Variants in KLF6 observed in about 807,000 individuals in gnomAD.
KLF6 encodes the protein Krueppel-like factor 6.
For synonymous variants in KLF6, 152 were observed against 147.9 expected, an observed-to-expected ratio of 1.03 and a Z score of -0.20; for missense variants, 233 against 359.8, an observed-to-expected ratio of 0.65 and a Z score of 2.85.
In KLF6 at chr10:3,781,410, G is replaced by C; in HGVS notation, c.676+231C>G. On this transcript the variant is annotated intron_variant, in intron 2 of 3. Transcript: ENST00000497571. This position sits in a 1 kb window ranked among gnomAD's most constrained non-coding sequence, Gnocchi z 5.8. ...CGTGGAGAAAAGGATCTAGTCTCTT[G>C]TTTGTTTAATCTGAAAATTGTTACA... 6.7e-7 allele frequency: 1 copy of C among 1,496,630 alleles called. No individual in the cohort carries two copies. The highest frequency in any genetic ancestry group is 8.9e-7 in the Non-Finnish European group (1 of 1,122,282). The allele number at this position is 1,496,630 out of a possible 1,614,324, so 92.7% of individuals were successfully genotyped here. A position where few individuals can be genotyped will look rare whatever the true frequency, so the allele number is the denominator to read the frequency against.
In KLF6 at chr10:3,782,445, G is replaced by A. The variant is rs1232096872; in HGVS notation, c.103-231C>T. Among the ~76,000 whole-genome samples, 6 of 152,226 alleles carry A rather than the reference G, an allele frequency of 3.9e-5. No homozygotes were observed. Among genetic ancestry groups the A allele is most frequent in the Non-Finnish European group, 8.8e-5 (6 of 68,044 alleles). ...AAAGTCGGAGGGTGAAACCTCTCCT[G>A]GCTTTCCCAATGTTGGGCCAAGGGC... On this transcript the variant is annotated intron_variant, in intron 1 of 3. Coordinates refer to ENST00000497571, the MANE Select transcript of KLF6 (RefSeq NM_001300.6). The surrounding 1 kb of genome is among the most constrained non-coding windows in gnomAD (Gnocchi z 4.3).
chr10:3,776,996 G>A lies in KLF6; in HGVS notation c.*2543C>T, dbSNP rs1181192248. On this transcript the variant is annotated 3_prime_UTR_variant, in exon 4 of 4. Transcript: ENST00000497571. ...TGGAATTGTTATGGCTAAGCACATA[G>A]AAGGCCAAAAAAGGAGTTTTCCAAA... 2.0e-6 allele frequency: 1 copy of A among 510,598 alleles called. No individual in the cohort carries two copies. The highest frequency in any genetic ancestry group is 3.8e-6 in the Non-Finnish European group (1 of 263,768). 31.6% of individuals were successfully genotyped at this position (510,598 alleles called of 1,614,324 possible).
chr10:3,777,212 A>T lies in KLF6; in HGVS notation c.*2327T>A, dbSNP rs541557967. On this transcript the variant is annotated 3_prime_UTR_variant, in exon 4 of 4. Coordinates refer to ENST00000497571, the MANE Select transcript of KLF6 (RefSeq NM_001300.6). ...AAAATACCAGCCCAGCCAGACTCAC[A>T]TGTGTGTATATATATATAAAGCAAA... 1.4e-5 allele frequency: 7 copies of T among 517,152 alleles called. No individual in the cohort carries two copies. Among genetic ancestry groups the T allele is most frequent in the Non-Finnish European group, 2.6e-5 (7 of 265,568 alleles). 32.0% of individuals were successfully genotyped at this position (517,152 alleles called of 1,614,324 possible).
At chr10:3,784,482 A>C (rs966514199) in intron 1 of KLF6, among the ~76,000 whole-genome samples, 6 of 152,200 alleles carry the variant, frequency 3.9e-5, no homozygotes, top group South Asian at 2.1e-4. Context: ...AAAATAAAAG[A>C]GAGCTGGTCT....
Position 3,779,440 on chromosome 10 carries a change from G to A in KLF6, c.*99C>T. On this transcript the variant is annotated 3_prime_UTR_variant, in exon 4 of 4. Coordinates refer to ENST00000497571, the MANE Select transcript of KLF6 (RefSeq NM_001300.6). ...GGCCCTGGAGGCAACTGGGTAGGGT[G>A]CAGAACGGCATGCTTTGGCTGGAAC... is the stretch of plus-strand genomic sequence containing the variant. 1.9e-6 allele frequency: 2 copies of A among 1,046,608 alleles called. No individual in the cohort carries two copies. Among genetic ancestry groups the A allele is most frequent in the Non-Finnish European group, 3.0e-6 (2 of 671,294 alleles). 64.8% of individuals were successfully genotyped at this position (1,046,608 alleles called of 1,614,324 possible). A position where few individuals can be genotyped will look rare whatever the true frequency, so the allele number is the denominator to read the frequency against.
At chr10:3,783,535 C>A (rs565586471) in intron 1 of KLF6, among the ~76,000 whole-genome samples, 5 of 152,172 alleles carry the variant, frequency 3.3e-5, no homozygotes, top group Admixed American at 6.5e-5. Context: ...CAATCCCTCC[C>A]CCTCCCCAGG....
rs1369780375 is a variant in KLF6, at chr10:3,780,448, G to C, written c.677-219C>G. On this transcript the variant is annotated intron_variant, in intron 2 of 3. Coordinates refer to ENST00000497571, the MANE Select transcript of KLF6 (RefSeq NM_001300.6). This position sits in a 1 kb window ranked among gnomAD's most constrained non-coding sequence, Gnocchi z 4.6. ...CTGCTGTCCAAGGGACACAGCTTCA[G>C]CCAAGCCCATGGTGCTGTCATCAAA... The C allele has an allele frequency of 1.4e-5, 9 of 621,836 alleles. No individual in the cohort carries two copies. Among genetic ancestry groups the C allele is most frequent in the Middle Eastern group, 4.3e-4 (1 of 2,350 alleles). 38.5% of individuals were successfully genotyped at this position (621,836 alleles called of 1,614,324 possible).
At chr10:3,784,853 A>C (rs1466826664) in intron 1 of KLF6, 60 bp downstream of exon 1, 3 of 1,536,758 alleles carry the variant, frequency 2.0e-6, no homozygotes, top group Non-Finnish European at 2.6e-6. Context: ...TCTGAACCCC[A>C]AACAGCCGAC....
At position 3,780,834 on chromosome 10, in the gene KLF6, A is replaced by C. The variant is rs910206819; in HGVS notation, c.677-605T>G. 1 of 179,342 alleles carries C rather than the reference A, an allele frequency of 5.6e-6. No individual in the cohort carries two copies. 11.1% of individuals were successfully genotyped at this position (179,342 alleles called of 1,614,324 possible). ...CCTGAGAAAACAAAGTTGTCAAGCC[A>C]ATCTCAGGGTATGTTGAGACAGGCC... On this transcript the variant is annotated intron_variant, in intron 2 of 3. Coordinates refer to ENST00000497571, the MANE Select transcript of KLF6 (RefSeq NM_001300.6). The surrounding 1 kb of genome is among the most constrained non-coding windows in gnomAD (Gnocchi z 4.6).
chr10:3,777,316 C>T lies in KLF6; in HGVS notation c.*2223G>A. 2 of 513,448 alleles carry T rather than the reference C, an allele frequency of 3.9e-6. No individual in the cohort carries two copies. The highest frequency in any genetic ancestry group is 3.1e-5 in the South Asian group (2 of 64,870). The allele number at this position is 513,448 out of a possible 1,614,324, so 31.8% of individuals were successfully genotyped here. On this transcript the variant is annotated 3_prime_UTR_variant, in exon 4 of 4. Coordinates refer to ENST00000497571, the MANE Select transcript of KLF6 (RefSeq NM_001300.6). ...GTATGCCAATTCGGGGAAATTACTCCTTGGAAAAACTGGAAGAATCTACTT... is the reference window on the plus strand; with the variant it reads ...GTATGCCAATTCGGGGAAATTACTCTTTGGAAAAACTGGAAGAATCTACTT...
chr10:3,776,932 C>CTTTTTTTTTTTTTTTTTTTTTCTT lies in KLF6; in HGVS notation c.*2606_*2607insAAGAAAAAAAAAAAAAAAAAAAAA. 2 of 417,618 alleles carry CTTTTTTTTTTTTTTTTTTTTTCTT rather than the reference C, an allele frequency of 4.8e-6. No homozygotes were observed. Among genetic ancestry groups the CTTTTTTTTTTTTTTTTTTTTTCTT allele is most frequent in the Non-Finnish European group, 4.6e-6 (1 of 217,040 alleles). The allele number at this position is 417,618 out of a possible 1,614,324, so 25.9% of individuals were successfully genotyped here. A position where few individuals can be genotyped will look rare whatever the true frequency, so the allele number is the denominator to read the frequency against. On this transcript the variant is annotated 3_prime_UTR_variant, in exon 4 of 4. Coordinates refer to ENST00000497571, the MANE Select transcript of KLF6 (RefSeq NM_001300.6). ...AAGCCAGTGCAAGTTTTTTTTTTTC[C>CTTTTTTTTTTTTTTTTTTTTTCTT]TTTTTTTTTTTTTGTCTTTTGCTTA...
chr10:3,776,311 G>C lies in KLF6; in HGVS notation c.*3228C>G. 1.9e-6 allele frequency: 1 copy of C among 532,914 alleles called. No homozygotes were observed. The highest frequency in any genetic ancestry group is 1.5e-5 in the South Asian group (1 of 65,166). The allele number at this position is 532,914 out of a possible 1,614,324, so 33.0% of individuals were successfully genotyped here. A position where few individuals can be genotyped will look rare whatever the true frequency, so the allele number is the denominator to read the frequency against. ...TCCCTACTGTGCCCACAGCCGGGGG[G>C]TTGTTTTTGTCAGTCCTTGGAGAAG... On this transcript the variant is annotated 3_prime_UTR_variant, in exon 4 of 4. Transcript: ENST00000497571.
chr10:3,781,708 G>A lies in KLF6; in HGVS notation c.609C>T (p.His203=). ...PDGRRRVHRC[H]FNGCRKVYTK... ...TGTAAACTTTCCTGCAGCCGTTAAA[G>A]TGGCACCGGTGCACCCTCCTCCTGC... is the stretch of plus-strand genomic sequence containing the variant. Residue 203 remains histidine, a synonymous_variant, in exon 2 of 4, where the codon CAC becomes CAT. Coordinates refer to ENST00000497571, the MANE Select transcript of KLF6 (RefSeq NM_001300.6). The surrounding 1 kb of genome is among the most constrained non-coding windows in gnomAD (Gnocchi z 5.8). 6.2e-7 allele frequency: 1 copy of A among 1,614,118 alleles called. No individual in the cohort carries two copies. The highest frequency in any genetic ancestry group is 8.5e-7 in the Non-Finnish European group (1 of 1,179,954).
chr10:3,777,266 T>A lies in KLF6; in HGVS notation c.*2273A>T, dbSNP rs1221368301. ...CCACACCCACAAGCCAGCAGCTGGG[T>A]GAAATATCAGCTGTCCACGCCGTGG... On this transcript the variant is annotated 3_prime_UTR_variant, in exon 4 of 4. Coordinates refer to ENST00000497571, the MANE Select transcript of KLF6 (RefSeq NM_001300.6). 5.8e-6 allele frequency: 3 copies of A among 515,348 alleles called. No individual in the cohort carries two copies. Among genetic ancestry groups the A allele is most frequent in the Middle Eastern group, 5.4e-4 (1 of 1,852 alleles). 31.9% of individuals were successfully genotyped at this position (515,348 alleles called of 1,614,324 possible). A position where few individuals can be genotyped will look rare whatever the true frequency, so the allele number is the denominator to read the frequency against.
Position 3,781,157 on chromosome 10 carries a change from G to T in KLF6, c.676+484C>A. ...GAGAAGTTCTCAGGAAACACTCGCT[G>T]ATCAATGCTGCTGCTTACAGAGCAG... is the stretch of plus-strand genomic sequence containing the variant. On this transcript the variant is annotated intron_variant, in intron 2 of 3. Transcript: ENST00000497571. This position sits in a 1 kb window ranked among gnomAD's most constrained non-coding sequence, Gnocchi z 5.8. 1 of 272,676 alleles carries T rather than the reference G, an allele frequency of 3.7e-6. No individual in the cohort carries two copies. The highest frequency in any genetic ancestry group is 6.9e-6 in the Non-Finnish European group (1 of 144,662). The allele number at this position is 272,676 out of a possible 1,614,324, so 16.9% of individuals were successfully genotyped here.
rs539734418 is a variant in KLF6, at chr10:3,785,192, A to C, written c.-178T>G. 3.2e-5 allele frequency: 42 copies of C among 1,331,088 alleles called. No individual in the cohort carries two copies. The highest frequency in any genetic ancestry group is 4.2e-5 in the Non-Finnish European group (40 of 963,576). The allele number at this position is 1,331,088 out of a possible 1,614,324, so 82.5% of individuals were successfully genotyped here. A position where few individuals can be genotyped will look rare whatever the true frequency, so the allele number is the denominator to read the frequency against. ...CGCGCGGAGCCCACACAATATTTGCAAACACCGGACTGACTGCAAACGTAA... is the reference window on the plus strand; with the variant it reads ...CGCGCGGAGCCCACACAATATTTGCCAACACCGGACTGACTGCAAACGTAA... On this transcript the variant is annotated 5_prime_UTR_variant, in exon 1 of 4. Coordinates refer to ENST00000497571, the MANE Select transcript of KLF6 (RefSeq NM_001300.6).
chr10:3,784,526 A>C (rs1418598446), intron 1 of KLF6, among the ~76,000 whole-genome samples: 4 of 152,140 alleles, frequency 2.6e-5, no homozygotes, highest in Non-Finnish European at 5.9e-5. Context: ...TTTTTTAAAA[A>C]ACTGTTAAGT....
In KLF6 at chr10:3,780,854, C is replaced by A; in HGVS notation, c.677-625G>T. The A allele has an allele frequency of 5.6e-6, 1 of 177,084 alleles. No individual in the cohort carries two copies. Among genetic ancestry groups the A allele is most frequent in the Non-Finnish European group, 1.2e-5 (1 of 81,018 alleles). The allele number at this position is 177,084 out of a possible 1,614,324, so 11.0% of individuals were successfully genotyped here. A position where few individuals can be genotyped will look rare whatever the true frequency, so the allele number is the denominator to read the frequency against. Reference sequence around the variant, plus strand: ...AAGCCAATCTCAGGGTATGTTGAGACAGGCCTGGGCCTGGATATTGGGCCA... The same window carrying A: ...AAGCCAATCTCAGGGTATGTTGAGAAAGGCCTGGGCCTGGATATTGGGCCA... On this transcript the variant is annotated intron_variant, in intron 2 of 3. Transcript: ENST00000497571. This position sits in a 1 kb window ranked among gnomAD's most constrained non-coding sequence, Gnocchi z 4.6.
rs199933548 is a variant in KLF6 at position 3,779,505 on chromosome 10, C to G, written c.*34G>C. Reference sequence around the variant, plus strand: ...CCACGGCCGGCTCTCAGCCTGGAAGCCTTTTAGCCTACAGGATCCACCTCT... The same window carrying G: ...CCACGGCCGGCTCTCAGCCTGGAAGGCTTTTAGCCTACAGGATCCACCTCT... On this transcript the variant is annotated 3_prime_UTR_variant, in exon 4 of 4. Transcript: ENST00000497571. 5.7e-6 allele frequency: 9 copies of G among 1,584,606 alleles called. No homozygotes were observed. The highest frequency in any genetic ancestry group is 6.9e-6 in the Non-Finnish European group (8 of 1,153,062).
Sources: gnomAD v4.1 joint callset for allele counts (sites outside exome capture counted in the v4.1 genomes callset) on GRCh38, gnomAD v4.1.1 for gene constraint, Gnocchi (gnomAD v3.1) non-coding constraint, MANE v1.5 for transcripts, NCBI Gene and HGNC (gene_info 2026-07-23, HGNC 2026-07-21) for gene names.